C4orf50: variants seen among roughly 807,000 people sequenced by gnomAD.
C4orf50 encodes chromosome 4 open reading frame 50.
C4orf50 carries 80 observed loss-of-function variants against 77.2 expected under a neutral mutation model. That is an observed-to-expected ratio of 1.04 (90% CI 0.87 to 1.25). The LOEUF is 1.25. C4orf50 is among the 50% of genes most tolerant of loss of function. The probability of loss-of-function intolerance (pLI) is 0.00; values close to 1 mark genes in which losing one functional copy is unlikely to be tolerated. For synonymous variants in C4orf50, 532 were observed against 465.3 expected (o/e 1.14, Z -1.84); for missense variants, 1,257 against 1,152.9 (o/e 1.09, Z -1.31).
chr4:5,945,450 G>A (rs1287458243), intron 7 of C4orf50, among the ~76,000 whole-genome samples: 1 of 152,186 alleles, frequency 6.6e-6, no homozygotes. Flanking sequence ...ACCCGGGAGA[G>A]GGGAAACCTC....
intron 25 of C4orf50, among the ~76,000 whole-genome samples, chr4:6,003,115 C>A (rs1394753035): frequency 6.6e-6 from 1 of 152,168 alleles, no homozygotes; most frequent in African/African-American, 2.4e-5. Flanking sequence ...CCCCAGATGG[C>A]CCTTTGCACA....
rs533772131 is a variant in C4orf50, at chr4:5,935,757, G to C, written c.*2474+21144C>G. 2.1e-5 allele frequency among the ~76,000 whole-genome samples: 3 copies of C among 141,452 alleles called. No homozygotes were observed. The East Asian group carries it at 6.1e-4, about 29-fold the overall frequency. 92.8% of individuals were successfully genotyped at this position (141,452 alleles called of 152,430 possible). On this transcript the variant is annotated intron_variant, in intron 7 of 7. Coordinates refer to the C4orf50 transcript ENST00000324058. Reference sequence around the variant, plus strand: ...GCCGAGATTGCGCCATTGCACTCCAGGCTGGGCGACAGAGGGAGACTCCGT... The same window carrying C: ...GCCGAGATTGCGCCATTGCACTCCACGCTGGGCGACAGAGGGAGACTCCGT...
At chr4:5,907,275 A>G (rs1230475871) in intron 7 of C4orf50, among the ~76,000 whole-genome samples, 1 of 152,368 alleles carries the variant, frequency 6.6e-6, no homozygotes, top group East Asian at 1.9e-4. Flanking sequence ...CAACCGTTTA[A>G]GAAGTAACAA....
Position 5,973,799 on chromosome 4 carries a change from G to A in C4orf50, c.3964C>T (p.Arg1322Cys), listed in dbSNP as rs763609824. 20 of 1,613,372 alleles carry A rather than the reference G, an allele frequency of 1.2e-5. No homozygotes were observed. The Admixed American group carries it at 1.5e-4, about 12-fold the overall frequency. ...TCCTGCAGCAGGTGGGTGATCAGGC[G>A]GTTCCTCTCCCGGCACTTCCGGACG... Residue 1322 changes from arginine to cysteine, a missense_variant, in exon 31 of 34, where the codon CGC becomes TGC. By Grantham distance (180) the Arg-to-Cys change is radical. Transcript: ENST00000531445.
chr4:5,978,287 A>G (rs766066217), intron 29 of C4orf50, among the ~76,000 whole-genome samples: 5 of 101,098 alleles, frequency 4.9e-5, no homozygotes, highest in Non-Finnish European at 1.1e-4. Flanking sequence ...TTCAGGAATT[A>G]CATTACAAAA....
exon 31 of C4orf50, chr4:5,973,749 G>A (rs761372445): frequency 6.2e-7 from 1 of 1,613,894 alleles, no homozygotes; most frequent in Non-Finnish European, 8.5e-7. Flanking sequence ...AGAGCAGGAG[G>A]TTCCCCAGCC....
chr4:5,920,477 T>C (rs1717214714), intron 7 of C4orf50, among the ~76,000 whole-genome samples: 1 of 133,976 alleles, frequency 7.5e-6, no homozygotes, highest in African/African-American at 2.8e-5. Flanking sequence ...AAACATTGCT[T>C]TTTTTTTTTT....
intron 7 of C4orf50, among the ~76,000 whole-genome samples, chr4:5,948,242 G>A (rs75701412): frequency 0.018 from 2,737 of 152,348 alleles, 72 homozygotes; most frequent in African/African-American, 0.062. Flanking sequence ...AGGGGGCAAC[G>A]GGAAGTGCTG....
At chr4:5,982,413 G>T (rs1212357370) in intron 28 of C4orf50, among the ~76,000 whole-genome samples, 2 of 152,192 alleles carry the variant, frequency 1.3e-5, no homozygotes, top group African/African-American at 4.8e-5. Context: ...CAGGGTGTAC[G>T]CTGGCCTGAG....
intron 7 of C4orf50, among the ~76,000 whole-genome samples, chr4:5,912,420 G>C (rs1716848936): frequency 1.3e-5 from 2 of 152,188 alleles, no homozygotes; most frequent in African/African-American, 4.8e-5. Context: ...AACTGCAGCA[G>C]ATAGGCCTTT....
chr4:5,921,246 C>T (rs1560542232), intron 7 of C4orf50, among the ~76,000 whole-genome samples: 1 of 152,172 alleles, frequency 6.6e-6, no homozygotes. Flanking sequence ...CCTGGGCTCC[C>T]TGACAGACTC....
In C4orf50 at chr4:5,905,977, C is replaced by T. The variant is rs1433487857; in HGVS notation, c.*2475-7789G>A. Among the ~76,000 whole-genome samples the T allele has an allele frequency of 6.6e-6, 1 of 151,876 alleles. No homozygotes were observed. The highest frequency in any genetic ancestry group is 1.5e-5 in the Non-Finnish European group (1 of 68,000). ...GCCCTCCTCACGTTACAGAGGGTGA[C>T]ATAGGAATCATCAAACAAATGCAAG... On this transcript the variant is annotated intron_variant, in intron 7 of 7. Coordinates refer to the C4orf50 transcript ENST00000324058. This position sits in a 1 kb window ranked among gnomAD's most constrained non-coding sequence, Gnocchi z 5.4.
rs372836773 is a variant in C4orf50, at chr4:5,907,328, G to T, written c.*2475-9140C>A. Among the ~76,000 whole-genome samples the T allele has an allele frequency of 6.6e-4, 101 of 152,242 alleles. No individual in the cohort carries two copies. The South Asian group carries it at 0.021, about 31-fold the overall frequency. Reference sequence around the variant, plus strand: ...CCAAAATCCATGTGGGACACTAAAAGATGCTAATTTCTGATAAAGTTTCAT... The same window carrying T: ...CCAAAATCCATGTGGGACACTAAAATATGCTAATTTCTGATAAAGTTTCAT... On this transcript the variant is annotated intron_variant, in intron 7 of 7. Transcript: ENST00000324058.
At chr4:6,016,116 G>C (rs1722675202) in intron 23 of C4orf50, among the ~76,000 whole-genome samples, 1 of 152,140 alleles carries the variant, frequency 6.6e-6, no homozygotes, top group African/African-American at 2.4e-5. Context: ...ATCTAAATTT[G>C]TTTGAGCCTT....
At chr4:5,959,179 C>T (rs1719130782) in exon 34 of C4orf50, 2 of 628,056 alleles carry the variant, frequency 3.2e-6, no homozygotes, top group East Asian at 5.6e-5. Context: ...AGCCAAACTC[C>T]TCAGAATTTG....
chr4:5,949,311 T>C (rs1718623071), intron 7 of C4orf50, among the ~76,000 whole-genome samples: 2 of 152,140 alleles, frequency 1.3e-5, no homozygotes. Flanking sequence ...GATTGATGAG[T>C]GAACAAACAA....
At chr4:6,001,649 G>A (rs552120227) in intron 25 of C4orf50, among the ~76,000 whole-genome samples, 1 of 152,348 alleles carries the variant, frequency 6.6e-6, no homozygotes, top group East Asian at 1.9e-4. Context: ...CAGAGAGTCA[G>A]TGCTATCTTC....
At chr4:5,972,739 C>T (rs1719999907) in intron 31 of C4orf50, among the ~76,000 whole-genome samples, 1 of 152,234 alleles carries the variant, frequency 6.6e-6, no homozygotes, top group South Asian at 2.1e-4. Flanking sequence ...ACAGCCCCGG[C>T]TGTGTTTACC....
intron 7 of C4orf50, among the ~76,000 whole-genome samples, chr4:5,938,072 T>C (rs1329919058): frequency 6.6e-6 from 1 of 152,192 alleles, no homozygotes; most frequent in Non-Finnish European, 1.5e-5. Flanking sequence ...ACAAGTTTCA[T>C]GTAATGGACG....
Sources: gnomAD v4.1 joint callset for allele counts (sites outside exome capture counted in the v4.1 genomes callset) on GRCh38, gnomAD v4.1.1 for gene constraint, Gnocchi (gnomAD v3.1) non-coding constraint, MANE v1.5 for transcripts, NCBI Gene and HGNC (gene_info 2026-07-23, HGNC 2026-07-21) for gene names.